The following CHD1L variants were observed in gnomAD, a reference collection of about 807,000 sequenced individuals.
CHD1L encodes ATP-dependent chromatin remodeler CHD1L.
CHD1L carries 118 observed loss-of-function variants against 115.9 expected under a neutral mutation model. The ratio of observed to expected loss-of-function variants is 1.02; its 90% CI spans 0.88 to 1.19. The LOEUF is 1.19. Ranked by LOEUF, CHD1L falls within the 50% of genes most tolerant of loss-of-function variation. CHD1L has a pLI of 0.00. For synonymous variants in CHD1L, 411 were observed against 387.1 expected, an observed-to-expected ratio of 1.06 and a Z score of -0.72; for missense variants, 1,179 against 1,065.3, an observed-to-expected ratio of 1.11 and a Z score of -1.49.
chr1:147,267,507 ATTTG>A lies in CHD1L; in HGVS notation c.982_985del (p.Phe328MetfsTer14). On this transcript the variant is annotated frameshift_variant, in exon 9 of 23. Transcript: ENST00000369258. LOFTEE classifies it high-confidence loss of function. ...CTTCGAAAGTGTGTGGATCACCCAT[ATTTG>A]TTTGATGGTGAGACAGTGCCTTTTC... is the stretch of plus-strand genomic sequence containing the variant. 6.2e-7 allele frequency: 1 copy of A among 1,611,116 alleles called. No homozygotes were observed.
At chr1:147,277,693 A>T (rs1679063209) in intron 14 of CHD1L, among the ~76,000 whole-genome samples, 1 of 152,212 alleles carries the variant, frequency 6.6e-6, no homozygotes, top group African/African-American at 2.4e-5. Context: ...AGAGACAATT[A>T]TAAATGTGAG....
chr1:147,189,480 A>G, the CHD1L span, among the ~76,000 whole-genome samples: 2 of 152,154 alleles, frequency 1.3e-5, no homozygotes, highest in East Asian at 3.8e-4. Flanking sequence ...AAGTTATGCA[A>G]GTATCATCAG....
At chr1:147,213,253 AG>A in the CHD1L span, 1 of 1,404,548 alleles carries the variant, frequency 7.1e-7, no homozygotes, top group Admixed American at 2.3e-5. Flanking sequence ...CCCATTCCTC[AG>A]GGGTCAGGTC....
chr1:147,213,419 A>G, the CHD1L span: 1 of 1,613,290 alleles, frequency 6.2e-7, no homozygotes, highest in Non-Finnish European at 8.5e-7. Flanking sequence ...ACCACTTCCC[A>G]TTGGCCTGAA....
chr1:147,220,591 A>G, the CHD1L span, among the ~76,000 whole-genome samples: 1 of 152,346 alleles, frequency 6.6e-6, no homozygotes, highest in Non-Finnish European at 1.5e-5. Context: ...GCAAAAACTG[A>G]CAAACGCTAT....
the CHD1L span, among the ~76,000 whole-genome samples, chr1:147,208,028 C>T: frequency 1.3e-5 from 2 of 152,106 alleles, no homozygotes; most frequent in African/African-American, 4.8e-5. Context: ...TTGCATAGAC[C>T]TCCTCACTGT....
chr1:147,234,231 C>T, the CHD1L span, among the ~76,000 whole-genome samples: 3 of 152,218 alleles, frequency 2.0e-5, no homozygotes, highest in Admixed American at 2.0e-4. Flanking sequence ...GGAGCCTTCG[C>T]AGCCTCCACA....
At chr1:147,214,553 G>C in the CHD1L span, among the ~76,000 whole-genome samples, 1 of 151,680 alleles carries the variant, frequency 6.6e-6, no homozygotes, top group Non-Finnish European at 1.5e-5. Flanking sequence ...TTTTACACAG[G>C]CTGGTGCCTC....
chr1:147,241,446 C>T (rs978319133), upstream of CHD1L, among the ~76,000 whole-genome samples: 1 of 152,106 alleles, frequency 6.6e-6, no homozygotes, highest in Admixed American at 6.5e-5. Context: ...TGTAATTTTC[C>T]TTTACCTACC....
the CHD1L span, among the ~76,000 whole-genome samples, chr1:147,207,812 A>G: frequency 1.3e-5 from 2 of 152,256 alleles, no homozygotes; most frequent in Admixed American, 1.3e-4. Flanking sequence ...ACTCCTACCC[A>G]TTCGCTCTGA....
At chr1:147,183,183 G>C in the CHD1L span, among the ~76,000 whole-genome samples, 1 of 152,118 alleles carries the variant, frequency 6.6e-6, no homozygotes, top group Non-Finnish European at 1.5e-5. Context: ...GGGCGACAGA[G>C]CGAGACTCTG....
chr1:147,235,127 G>GTGTGTA, the CHD1L span, among the ~76,000 whole-genome samples: 2 of 150,514 alleles, frequency 1.3e-5, no homozygotes, highest in Non-Finnish European at 3.0e-5. Context: ...GTGTGTATGT[G>GTGTGTA]TGTGTGTATT....
the CHD1L span, among the ~76,000 whole-genome samples, chr1:147,194,172 T>A: frequency 4.6e-5 from 7 of 152,318 alleles, no homozygotes; most frequent in South Asian, 1.2e-3. Flanking sequence ...AAGGACTTGC[T>A]TTATGAATCT....
At chr1:147,233,297 G>A in the CHD1L span, among the ~76,000 whole-genome samples, 4 of 151,540 alleles carry the variant, frequency 2.6e-5, no homozygotes, top group East Asian at 2.0e-4. Flanking sequence ...GAGCGTCTCC[G>A]CCCAGCAGCC....
chr1:147,249,849 T>C (rs1407645673), intron 1 of CHD1L, among the ~76,000 whole-genome samples: 6 of 152,184 alleles, frequency 3.9e-5, no homozygotes, highest in Non-Finnish European at 8.8e-5. Context: ...ATTGAACAAA[T>C]GTTAGATCTT....
upstream of CHD1L, among the ~76,000 whole-genome samples, chr1:147,238,857 C>T (rs1438628522): frequency 3.3e-5 from 5 of 152,128 alleles, no homozygotes; most frequent in Admixed American, 6.5e-5. Context: ...CTTTAATCAC[C>T]TAGCCTTGTT....
chr1:147,281,145 G>A (rs1409586425), intron 15 of CHD1L, among the ~76,000 whole-genome samples: 1 of 152,152 alleles, frequency 6.6e-6, no homozygotes, highest in Non-Finnish European at 1.5e-5. Context: ...CAGAAGCAAT[G>A]CCTTCCCTAA....
chr1:147,173,026 G>A, the CHD1L span: 7 of 152,578 alleles, frequency 4.6e-5, no homozygotes, highest in African/African-American at 1.7e-4. Context: ...GTTCTGACCG[G>A]GCGCAGTGGC....
At chr1:147,282,648 T>C (rs1437651435) in intron 15 of CHD1L, among the ~76,000 whole-genome samples, 4 of 152,234 alleles carry the variant, frequency 2.6e-5, no homozygotes, top group African/African-American at 9.6e-5. Context: ...AAGAAATAGA[T>C]GCATGTGATC....
Sources: gnomAD v4.1 joint callset for allele counts (sites outside exome capture counted in the v4.1 genomes callset) on GRCh38, gnomAD v4.1.1 for gene constraint, MANE v1.5 for transcripts, NCBI Gene and HGNC (gene_info 2026-07-23, HGNC 2026-07-21) for gene names.